RYR2: variants seen among roughly 807,000 people sequenced by gnomAD.
RYR2 encodes the protein cardiac muscle ryanodine receptor-calcium release channel.
In RYR2, 227 loss-of-function variants were observed where a neutral mutation model predicts 601.1. The observed-to-expected ratio is 0.38, with a 90% confidence interval of 0.34 to 0.42. The LOEUF is 0.42. Ranked by LOEUF, RYR2 falls within the 10% of genes least tolerant of loss-of-function variation. RYR2 has a pLI of 1.00. For missense variants in RYR2, 4,646 were observed against 6,156.5 expected (o/e 0.75, Z 8.21); for synonymous variants, 2,223 against 2,175.1 (o/e 1.02, Z -0.61).
intron 17 of RYR2, among the ~76,000 whole-genome samples, chr1:237,474,774 T>G (rs1384330601): frequency 6.6e-6 from 1 of 152,098 alleles, no homozygotes; most frequent in African/African-American, 2.4e-5. Flanking sequence ...GCTGCAGCCA[T>G]CTGCCAGCAT....
At chr1:237,347,623 A>G (rs2149651670) in intron 3 of RYR2, among the ~76,000 whole-genome samples, 1 of 152,228 alleles carries the variant, frequency 6.6e-6, no homozygotes, top group African/African-American at 2.4e-5. Context: ...CCTTGTTTTG[A>G]ATCTTTTATT....
chr1:237,356,397 A>G (rs553064957), intron 4 of RYR2, among the ~76,000 whole-genome samples: 1 of 151,798 alleles, frequency 6.6e-6, no homozygotes, highest in East Asian at 1.9e-4. Flanking sequence ...AGAAGAAGAC[A>G]ATTATATATA....
intron 1 of RYR2, among the ~76,000 whole-genome samples, chr1:237,210,901 G>A (rs1264951158): frequency 6.6e-6 from 1 of 152,162 alleles, no homozygotes; most frequent in Non-Finnish European, 1.5e-5. Flanking sequence ...GTTTACCTTT[G>A]AAGCTTTTAT....
chr1:237,341,720 C>T (rs1457581735), intron 3 of RYR2: 2 of 488,968 alleles, frequency 4.1e-6, no homozygotes, highest in Non-Finnish European at 4.1e-6. Flanking sequence ...CTGAAAAGTA[C>T]CAAAAATTCT....
intron 35 of RYR2, among the ~76,000 whole-genome samples, chr1:237,603,503 G>A (rs1295717686): frequency 1.3e-5 from 2 of 152,206 alleles, no homozygotes; most frequent in East Asian, 1.9e-4. Flanking sequence ...TCGATGCTAG[G>A]AAGAAACTGC....
At chr1:237,247,722 G>C (rs1687002211) in intron 1 of RYR2, among the ~76,000 whole-genome samples, 2 of 152,168 alleles carry the variant, frequency 1.3e-5, no homozygotes, top group South Asian at 4.1e-4. Flanking sequence ...GAGGTACCAG[G>C]AGGAAGGTGG....
intron 45 of RYR2, among the ~76,000 whole-genome samples, 155 bp from the exon 46 acceptor site, chr1:237,638,860 C>G (rs1244539195): frequency 6.6e-6 from 1 of 152,148 alleles, no homozygotes; most frequent in Non-Finnish European, 1.5e-5. Context: ...GTCTCATATA[C>G]TTAATGCTAG....
At chr1:237,593,707 C>T in intron 33 of RYR2, 71 bp downstream of exon 33, 1 of 1,486,824 alleles carries the variant, frequency 6.7e-7, no homozygotes, top group Non-Finnish European at 9.3e-7. Flanking sequence ...TATTCCTTTT[C>T]CTTGTATTTT....
At chr1:237,213,715 C>T (rs1682837518) in intron 1 of RYR2, among the ~76,000 whole-genome samples, 1 of 151,844 alleles carries the variant, frequency 6.6e-6, no homozygotes, top group South Asian at 2.1e-4. Context: ...GGTGCTTTTA[C>T]ATTTTTATGT....
intron 97 of RYR2, among the ~76,000 whole-genome samples, chr1:237,801,263 GTGCA>G (rs1370924604): frequency 6.6e-6 from 1 of 150,904 alleles, no homozygotes; most frequent in Non-Finnish European, 1.5e-5. Flanking sequence ...GGGCACAATG[GTGCA>G]TGCATGTAAT....
At chr1:237,705,160 T>C in intron 66 of RYR2, 53 bp from the exon 67 acceptor site, 2 of 1,533,342 alleles carry the variant, frequency 1.3e-6, no homozygotes, top group Middle Eastern at 1.7e-4. Context: ...TAATATGACT[T>C]TTTTAGTTAC....
intron 8 of RYR2, among the ~76,000 whole-genome samples, chr1:237,383,325 G>C (rs1053287388): frequency 6.8e-6 from 1 of 147,912 alleles, no homozygotes; most frequent in Non-Finnish European, 1.5e-5. Flanking sequence ...GTAATGTCTT[G>C]TTACTCTTGG....
In RYR2 at chr1:237,674,133, A is replaced by G; in HGVS notation, c.8628A>G (p.Thr2876=). 2 of 1,612,156 alleles carry G rather than the reference A, an allele frequency of 1.2e-6. No homozygotes were observed. The highest frequency in any genetic ancestry group is 1.1e-5 in the South Asian group (1 of 91,046). ...ATCCTCTGCTGGTGCCCTATGATAC[A>G]CTGACAGCCAAAGAGAAAGCCAAGG... The part of the protein sequence containing the change: ...GNHPLLVPYD[T]LTAKEKAKDR... Residue 2876 remains threonine (T), a synonymous_variant, in exon 59 of 105, where the codon ACA becomes ACG. Transcript: ENST00000366574.
intron 2 of RYR2, among the ~76,000 whole-genome samples, chr1:237,293,827 G>C (rs568157802): frequency 6.6e-6 from 1 of 152,144 alleles, no homozygotes; most frequent in African/African-American, 2.4e-5. Flanking sequence ...TTATCTTTTT[G>C]GGTTTTTAAG....
chr1:237,698,707 T>C (rs926565045), intron 63 of RYR2, among the ~76,000 whole-genome samples: 1 of 148,394 alleles, frequency 6.7e-6, no homozygotes, highest in African/African-American at 2.4e-5. Flanking sequence ...AAAACTCTTT[T>C]AGTCTGGTGC....
intron 24 of RYR2, among the ~76,000 whole-genome samples, chr1:237,527,510 A>G (rs1474403030): frequency 6.6e-6 from 1 of 152,146 alleles, no homozygotes; most frequent in Non-Finnish European, 1.5e-5. Flanking sequence ...CCTATAGTAC[A>G]CGGTCAGATC....
In RYR2 at chr1:237,070,197, G is replaced by A. The variant is rs114727331; in HGVS notation, c.48+27628G>A. 9.3e-3 allele frequency among the ~76,000 whole-genome samples: 1,408 copies of A among 151,898 alleles called. 17 individuals carry two copies. The highest frequency in any genetic ancestry group is 0.024 in the South Asian group (115 of 4,800). ...AGGTGTGAGCCACCATGCCTGGACT[G>A]TGTTTAACTTTTTACCTTTCTATTT... On this transcript the variant is annotated intron_variant, in intron 1 of 104. Coordinates refer to ENST00000366574, the MANE Select transcript of RYR2 (RefSeq NM_001035.3).
rs148876407 is a variant in RYR2 at position 237,598,239 on chromosome 1, A to G, written c.4596+2582A>G. 2.3e-3 allele frequency among the ~76,000 whole-genome samples: 343 copies of G among 152,326 alleles called. 1 individual carries two copies. The highest frequency in any genetic ancestry group is 3.8e-3 in the Non-Finnish European group (258 of 68,026). On this transcript the variant is annotated intron_variant, in intron 34 of 104. Coordinates refer to ENST00000366574, the MANE Select transcript of RYR2 (RefSeq NM_001035.3). The stretch of plus-strand genomic sequence containing the variant: ...AGGGAAGTTCAACACCCCACTTTCA[A>G]CAACAGCAGATAATCCAGACAGAAA...
At chr1:237,044,784 C>CT (rs199958408) in intron 1 of RYR2, among the ~76,000 whole-genome samples, 10,527 of 150,864 alleles carry the variant, frequency 0.07, 509 homozygotes, top group East Asian at 0.18. Context: ...CCCCCACCCC[C>CT]CTTTTTTTTC....
Sources: gnomAD v4.1 joint callset for allele counts (sites outside exome capture counted in the v4.1 genomes callset) on GRCh38, gnomAD v4.1.1 for gene constraint, MANE v1.5 for transcripts, NCBI Gene and HGNC (gene_info 2026-07-23, HGNC 2026-07-21) for gene names.